Variants in ERC1 observed in about 807,000 individuals in gnomAD.
The protein encoded by ERC1 is RAB6 interacting protein 2.
ERC1 carries 56 observed loss-of-function variants against 132.0 expected under a neutral mutation model. That is an observed-to-expected ratio of 0.42 (90% CI 0.34 to 0.53). The LOEUF (loss-of-function observed/expected upper bound fraction) is 0.53. ERC1 is among the 20% of genes least tolerant of loss of function. The probability of loss-of-function intolerance (pLI) is 0.03; values close to 1 mark genes in which losing one functional copy is unlikely to be tolerated. For missense variants in ERC1, 1,202 were observed against 1,349.9 expected, an observed-to-expected ratio of 0.89 and a Z score of 1.72; for synonymous variants, 478 against 476.1, an observed-to-expected ratio of 1.00 and a Z score of -0.05.
intron 13 of ERC1, among the ~76,000 whole-genome samples, chr12:1,238,631 G>T (rs1422665131): frequency 6.6e-6 from 1 of 152,036 alleles, no homozygotes; most frequent in East Asian, 1.9e-4. Flanking sequence ...TTTAATTCTA[G>T]AAAGTATTTA....
chr12:1,441,792 A>T (rs1410864074), intron 17 of ERC1, among the ~76,000 whole-genome samples: 1 of 152,238 alleles, frequency 6.6e-6, no homozygotes, highest in African/African-American at 2.4e-5. Flanking sequence ...ACTTGGCATC[A>T]TGGGGGTGTA....
At chr12:999,051 G>T (rs1961588540) in intron 1 of ERC1, among the ~76,000 whole-genome samples, 1 of 151,750 alleles carries the variant, frequency 6.6e-6, no homozygotes, top group Admixed American at 6.6e-5. Context: ...GTAGAGATGG[G>T]GTTTCACCAT....
At chr12:1,323,991 T>C (rs1218777955) in intron 15 of ERC1, among the ~76,000 whole-genome samples, 2 of 152,178 alleles carry the variant, frequency 1.3e-5, no homozygotes, top group Non-Finnish European at 1.5e-5. Flanking sequence ...CTCCCTGTTA[T>C]TAGCAGTACA....
At chr12:1,010,337 T>C (rs1220272878) in intron 1 of ERC1, among the ~76,000 whole-genome samples, 2 of 151,494 alleles carry the variant, frequency 1.3e-5, no homozygotes, top group Middle Eastern at 3.2e-3. Flanking sequence ...AAAAATTAGC[T>C]GGGCGTGGTG....
chr12:1,410,349 G>T (rs1462800756), intron 17 of ERC1: 1 of 963,850 alleles, frequency 1.0e-6, no homozygotes, highest in South Asian at 1.3e-5. Flanking sequence ...ATTCCATGCT[G>T]CCCTGGGGCA....
chr12:1,236,784 G>A lies in ERC1; in HGVS notation c.2367G>A (p.Gln789=). 6.2e-7 allele frequency: 1 copy of A among 1,613,632 alleles called. No individual in the cohort carries two copies. The highest frequency in any genetic ancestry group is 1.1e-5 in the South Asian group (1 of 90,998). The change falls in exon 13 of 19, where the codon CAG becomes CAA. Residue 789 remains glutamine (Q), a synonymous_variant. Coordinates refer to ENST00000360905, the MANE Select transcript of ERC1 (RefSeq NM_178040.4). ...CTGTCATTAGGCAAGTGAAAGACCAGAATAAGAAGGTAGCAAATCTGAAGC... is the reference window on the plus strand; with the variant it reads ...CTGTCATTAGGCAAGTGAAAGACCAAAATAAGAAGGTAGCAAATCTGAAGC... The part of the protein sequence containing the change: ...IAELERQVKD[Q]NKKVANLKHK...
intron 18 of ERC1, among the ~76,000 whole-genome samples, chr12:1,470,307 G>A (rs1318233681): frequency 6.6e-6 from 1 of 152,010 alleles, no homozygotes; most frequent in Admixed American, 6.5e-5. Context: ...CTTCCTGCCT[G>A]GCCTGAGAGA....
intron 2 of ERC1, among the ~76,000 whole-genome samples, chr12:1,043,516 T>G (rs1392696388): frequency 6.6e-6 from 1 of 152,196 alleles, no homozygotes. Flanking sequence ...TTAGAATAAC[T>G]GGGGGCAGAA....
chr12:1,006,587 G>T (rs1382014894), intron 1 of ERC1, among the ~76,000 whole-genome samples: 4 of 151,830 alleles, frequency 2.6e-5, no homozygotes, highest in Non-Finnish European at 5.9e-5. Flanking sequence ...TAAGAGATGG[G>T]GTTTTGCCGT....
chr12:1,077,307 G>C (rs1170676719), intron 2 of ERC1, among the ~76,000 whole-genome samples: 1 of 152,076 alleles, frequency 6.6e-6, no homozygotes, highest in African/African-American at 2.4e-5. Context: ...GTGTACTCTT[G>C]TTCTAAGAAA....
intron 16 of ERC1, among the ~76,000 whole-genome samples, chr12:1,389,267 G>A (rs766095): frequency 0.11 from 17,404 of 152,172 alleles, 2,439 homozygotes; most frequent in African/African-American, 0.33. Flanking sequence ...CAAGAAAGCC[G>A]TTGGCTGGAG....
chr12:1,083,663 C>T (rs1593190432), intron 3 of ERC1, 83 bp downstream of exon 3: 1 of 1,059,982 alleles, frequency 9.4e-7, no homozygotes, highest in East Asian at 2.4e-5. Flanking sequence ...CCCAGTGAAT[C>T]TACGTGCTCT....
At chr12:1,174,861 C>T (rs565395426) in intron 8 of ERC1, among the ~76,000 whole-genome samples, 1 of 152,192 alleles carries the variant, frequency 6.6e-6, no homozygotes, top group South Asian at 2.1e-4. Flanking sequence ...ATGACCTGCA[C>T]AGCTGGTTAA....
At chr12:1,177,825 A>G (rs991895908) in intron 8 of ERC1, among the ~76,000 whole-genome samples, 2 of 152,226 alleles carry the variant, frequency 1.3e-5, no homozygotes, top group African/African-American at 2.4e-5. Context: ...AAAAACCCGT[A>G]TCTGTGAAGA....
At chr12:1,249,985 A>G (rs2076376957) in intron 13 of ERC1, among the ~76,000 whole-genome samples, 2 of 152,158 alleles carry the variant, frequency 1.3e-5, no homozygotes, top group Non-Finnish European at 2.9e-5. Context: ...TAATACCATC[A>G]CATTGGTGAT....
chr12:1,362,769 A>G (rs536093871), intron 15 of ERC1, among the ~76,000 whole-genome samples: 3 of 152,262 alleles, frequency 2.0e-5, no homozygotes, highest in Non-Finnish European at 2.9e-5. Context: ...AAAATGAAAA[A>G]TCTTTGGATA....
chr12:1,307,739 G>A (rs150199618), intron 15 of ERC1, among the ~76,000 whole-genome samples: 127 of 152,150 alleles, frequency 8.3e-4, no homozygotes, highest in Admixed American at 2.4e-3. Flanking sequence ...TTGCTTTTTA[G>A]GTCAGAGGAT....
At position 1,057,752 on chromosome 12, in the gene ERC1, C is replaced by T. The variant is rs145652687; in HGVS notation, c.670-25412C>T. Among the ~76,000 whole-genome samples, 1,092 of 151,916 alleles carry T rather than the reference C, an allele frequency of 7.2e-3. 12 individuals carry two copies. Among genetic ancestry groups the T allele is most frequent in the African/African-American group, 0.025 (1,045 of 41,432 alleles). On this transcript the variant is annotated intron_variant, in intron 2 of 18. Coordinates refer to ENST00000360905, the MANE Select transcript of ERC1 (RefSeq NM_178040.4). ...CTGGGATTACAGGCACTTGCCACCACGCCCAGCTAATTTTGGTATTTTTAG... is the reference window on the plus strand; with the variant it reads ...CTGGGATTACAGGCACTTGCCACCATGCCCAGCTAATTTTGGTATTTTTAG...
At position 1,369,984 on chromosome 12, in the gene ERC1, T is replaced by A. The variant is rs577483539; in HGVS notation, c.2781-1849T>A. 4.6e-5 allele frequency among the ~76,000 whole-genome samples: 7 copies of A among 152,332 alleles called. No homozygotes were observed. In the South Asian group the frequency reaches 1.2e-3, roughly 27 times the overall value. On this transcript the variant is annotated intron_variant, in intron 15 of 18. Transcript: ENST00000360905. ...ATTCAGTAGACAGATAGTCTTCCAG[T>A]CTGTGGCTAAACTAAAACTCTTCCA...
Sources: allele counts gnomAD v4.1 joint callset (sites outside exome capture counted in the v4.1 genomes callset), GRCh38; gene constraint gnomAD v4.1.1; transcripts MANE v1.5; gene names NCBI Gene and HGNC (gene_info 2026-07-23, HGNC 2026-07-21).